Variants in SESN1 observed in about 807,000 individuals in gnomAD.
SESN1 encodes sestrin-1.
A neutral mutation model predicts 59.3 loss-of-function variants in SESN1; 30 were observed. That is an observed-to-expected ratio of 0.51 (90% CI 0.38 to 0.69). SESN1 has a LOEUF of 0.69. Among genes scored for constraint, SESN1 ranks in the 30% least tolerant of loss-of-function variants. The pLI is 0.00. For missense variants in SESN1, 566 were observed against 673.0 expected (o/e 0.84, Z 1.76); for synonymous variants, 197 against 219.9 (o/e 0.90, Z 0.92).
intron 1 of SESN1, among the ~76,000 whole-genome samples, chr6:109,014,114 G>T (rs1335699565): frequency 6.6e-6 from 1 of 151,428 alleles, no homozygotes; most frequent in Non-Finnish European, 1.5e-5. Flanking sequence ...TCCTCTTTTA[G>T]AAATGTAGTG....
chr6:109,002,423 C>T, intron 1 of SESN1, 80 bp from the exon 2 acceptor site: 3 of 1,116,390 alleles, frequency 2.7e-6, no homozygotes, highest in Non-Finnish European at 4.1e-6. Flanking sequence ...GAGGGAAAAA[C>T]AACCAGTCGA....
chr6:109,063,676 G>A (rs1780767746), intron 1 of SESN1, among the ~76,000 whole-genome samples: 1 of 152,014 alleles, frequency 6.6e-6, no homozygotes, highest in Non-Finnish European at 1.5e-5. Context: ...TTGCTTTTAA[G>A]CTTTTGATGA....
intron 1 of SESN1, among the ~76,000 whole-genome samples, chr6:109,004,888 G>C (rs1332728105): frequency 4.6e-5 from 7 of 152,290 alleles, no homozygotes; most frequent in Non-Finnish European, 1.5e-5. Context: ...TTGATCACAG[G>C]CTGTATTGGA....
At chr6:109,017,576 C>T (rs936809904) in intron 1 of SESN1, among the ~76,000 whole-genome samples, 1 of 152,082 alleles carries the variant, frequency 6.6e-6, no homozygotes, top group Non-Finnish European at 1.5e-5. Flanking sequence ...TGAGCCACCG[C>T]GCCCGGCCCA....
chr6:108,994,698 CTTT>C (rs11395949), intron 5 of SESN1, 89 bp from the exon 6 acceptor site: 5,042 of 289,524 alleles, frequency 0.017, no homozygotes, highest in South Asian at 0.026. Flanking sequence ...GAATTTATAT[CTTT>C]TTTTTTTTTT....
At chr6:108,989,540 G>T (rs1322620368) in intron 8 of SESN1, among the ~76,000 whole-genome samples, 23 of 103,610 alleles carry the variant, frequency 2.2e-4, no homozygotes, top group African/African-American at 3.1e-4. Flanking sequence ...TAGAGATAGA[G>T]ATATCTCTAG....
Position 109,029,638 on chromosome 6 carries a change from C to T in SESN1, c.280-27295G>A, listed in dbSNP as rs142580692. The stretch of plus-strand genomic sequence containing the variant: ...TGCAGTCTTGAGCTTGGGGCTCAAG[C>T]GATCCTCCTGTCTTAGCCTCCCAAG... On this transcript the variant is annotated intron_variant, in intron 1 of 9. Transcript: ENST00000436639. Among the ~76,000 whole-genome samples, 170 of 152,218 alleles carry T rather than the reference C, an allele frequency of 1.1e-3. 1 individual carries two copies. Among genetic ancestry groups the T allele is most frequent in the East Asian group, 7.7e-3 (40 of 5,168 alleles).
chr6:109,047,365 G>A (rs1780467338), intron 1 of SESN1, among the ~76,000 whole-genome samples: 2 of 131,330 alleles, frequency 1.5e-5, no homozygotes, highest in African/African-American at 2.8e-5. Context: ...CCCCCTGCCC[G>A]GCCAGCCGCC....
At chr6:109,043,882 TACTA>T (rs751282274) in intron 1 of SESN1, among the ~76,000 whole-genome samples, 7 of 152,202 alleles carry the variant, frequency 4.6e-5, no homozygotes, top group South Asian at 2.1e-4. Context: ...AGAACAGTCA[TACTA>T]ACTGTTTTCA....
intron 1 of SESN1, among the ~76,000 whole-genome samples, chr6:109,086,844 T>C (rs1039005852): frequency 2.0e-5 from 3 of 152,128 alleles, no homozygotes; most frequent in Non-Finnish European, 2.9e-5. Context: ...ATAAAATAGA[T>C]GAAATCAGGC....
chr6:109,057,217 A>G (rs1436452987), intron 1 of SESN1, among the ~76,000 whole-genome samples: 1 of 152,212 alleles, frequency 6.6e-6, no homozygotes, highest in Non-Finnish European at 1.5e-5. Context: ...AACCCTCAGA[A>G]ACTATGTGAG....
chr6:109,083,229 A>G (rs182038707), intron 1 of SESN1, among the ~76,000 whole-genome samples: 6 of 152,334 alleles, frequency 3.9e-5, no homozygotes, highest in Non-Finnish European at 2.9e-5. Context: ...CATGGCCAGT[A>G]AGAAAATTCA....
chr6:109,026,772 G>A (rs1583277388), intron 1 of SESN1, among the ~76,000 whole-genome samples: 1 of 152,086 alleles, frequency 6.6e-6, no homozygotes, highest in Non-Finnish European at 1.5e-5. Context: ...CAAAGTGCTG[G>A]GATTGCAGGC....
intron 1 of SESN1, among the ~76,000 whole-genome samples, chr6:109,066,883 G>GTAAGTCACAT (rs11281315): frequency 0.2 from 30,121 of 152,014 alleles, 3,677 homozygotes; most frequent in African/African-American, 0.34. Flanking sequence ...TACAGCAAAC[G>GTAAGTCACAT]TTGAAGTAAC....
chr6:109,084,754 A>G (rs1303017576), intron 1 of SESN1, among the ~76,000 whole-genome samples: 1 of 152,192 alleles, frequency 6.6e-6, no homozygotes, highest in African/African-American at 2.4e-5. Flanking sequence ...GTAATTCCCT[A>G]TTTCATTACA....
intron 1 of SESN1, among the ~76,000 whole-genome samples, chr6:109,024,558 G>A (rs1191725772): frequency 6.6e-6 from 1 of 152,152 alleles, no homozygotes; most frequent in African/African-American, 2.4e-5. Context: ...TTCTACAGAT[G>A]CTTCTCAACT....
chr6:109,015,230 A>G (rs939324760), intron 1 of SESN1, among the ~76,000 whole-genome samples: 6 of 152,154 alleles, frequency 3.9e-5, no homozygotes, highest in Non-Finnish European at 5.9e-5. Context: ...AGCTCTGCTA[A>G]GCAATCTGTC....
intron 1 of SESN1, among the ~76,000 whole-genome samples, chr6:109,079,247 C>A (rs530593183): frequency 1.3e-5 from 2 of 149,442 alleles, no homozygotes; most frequent in Admixed American, 6.7e-5. Context: ...CTCTAATATT[C>A]AATACAGGCC....
intron 1 of SESN1, among the ~76,000 whole-genome samples, chr6:109,092,896 T>C (rs1781349429): frequency 6.6e-6 from 1 of 152,202 alleles, no homozygotes. Flanking sequence ...CAAGCCAGTA[T>C]ATAAAAACTG....
Sources: allele counts gnomAD v4.1 joint callset (sites outside exome capture counted in the v4.1 genomes callset), GRCh38; gene constraint gnomAD v4.1.1; transcripts MANE v1.5; gene names NCBI Gene and HGNC (gene_info 2026-07-23, HGNC 2026-07-21).